ATG5: variants seen among roughly 807,000 people sequenced by gnomAD.
ATG5 encodes autophagy related 5, also known as autophagy protein 5.
A neutral mutation model predicts 36.5 loss-of-function variants in ATG5; 14 were observed. The ratio of observed to expected loss-of-function variants is 0.38; its 90% CI spans 0.25 to 0.60. ATG5 has a LOEUF of 0.60. Among genes scored for constraint, ATG5 ranks in the 20% least tolerant of loss-of-function variants. The probability of loss-of-function intolerance (pLI) is 0.60; values close to 1 mark genes in which losing one functional copy is unlikely to be tolerated. For synonymous variants in ATG5, 95 were observed against 101.5 expected, an observed-to-expected ratio of 0.94 and a Z score of 0.38; for missense variants, 195 against 326.7, an observed-to-expected ratio of 0.60 and a Z score of 3.11.
At chr6:106,292,919 A>G in intron 4 of ATG5, 109 bp downstream of exon 4, 1 of 820,116 alleles carries the variant, frequency 1.2e-6, no homozygotes, top group Non-Finnish European at 2.0e-6. Flanking sequence ...CAACTAAAAC[A>G]GTGTCAGGGG....
intron 6 of ATG5, among the ~76,000 whole-genome samples, chr6:106,216,962 A>T (rs80222027): frequency 1.0e-5 from 1 of 98,820 alleles, no homozygotes; most frequent in East Asian, 2.2e-4. Flanking sequence ...AGCTGTTATT[A>T]AAAAAAAAAA....
chr6:106,307,635 C>T (rs1423157788), intron 3 of ATG5, among the ~76,000 whole-genome samples: 2 of 147,182 alleles, frequency 1.4e-5, no homozygotes, highest in East Asian at 2.0e-4. Context: ...CTCCCAGGTT[C>T]AAGCATTTCT....
intron 5 of ATG5, among the ~76,000 whole-genome samples, chr6:106,275,988 G>A (rs1482551242): frequency 6.6e-6 from 1 of 152,142 alleles, no homozygotes; most frequent in African/African-American, 2.4e-5. Context: ...AAAAGCAGAT[G>A]GCTGGCCCAT....
chr6:106,211,390 T>G (rs894285303), intron 6 of ATG5, among the ~76,000 whole-genome samples: 4 of 152,020 alleles, frequency 2.6e-5, no homozygotes, highest in African/African-American at 7.3e-5. Context: ...AATGTAACAA[T>G]GACAAGGGGC....
intron 2 of ATG5, among the ~76,000 whole-genome samples, chr6:106,310,409 T>C (rs763800255): frequency 5.9e-5 from 9 of 152,134 alleles, no homozygotes; most frequent in Non-Finnish European, 7.4e-5. Flanking sequence ...TACATATAGA[T>C]ACAATTTACC....
At chr6:106,270,081 A>T (rs2114577449) in intron 5 of ATG5, among the ~76,000 whole-genome samples, 1 of 152,338 alleles carries the variant, frequency 6.6e-6, no homozygotes, top group East Asian at 1.9e-4. Context: ...CTATAGTCCA[A>T]ATTATTACAA....
chr6:106,316,846 C>T (rs1171986201), intron 1 of ATG5, among the ~76,000 whole-genome samples: 1 of 152,178 alleles, frequency 6.6e-6, no homozygotes, highest in Non-Finnish European at 1.5e-5. Flanking sequence ...ATTTTAATTA[C>T]TGTACTTCCT....
intron 6 of ATG5, among the ~76,000 whole-genome samples, chr6:106,215,053 G>T (rs1776986323): frequency 6.6e-6 from 1 of 152,090 alleles, no homozygotes; most frequent in Admixed American, 6.6e-5. Flanking sequence ...ACACTAAAAA[G>T]ACTAATACAA....
chr6:106,236,206 T>C (rs905779682), intron 6 of ATG5, among the ~76,000 whole-genome samples: 3 of 152,250 alleles, frequency 2.0e-5, no homozygotes, highest in African/African-American at 7.2e-5. Flanking sequence ...TATGCTGTTT[T>C]AGGAATATAA....
intron 1 of ATG5, 32 bp from the exon 2 acceptor site, chr6:106,316,298 C>T: frequency 1.2e-6 from 1 of 866,174 alleles, no homozygotes; most frequent in Non-Finnish European, 1.8e-6. Flanking sequence ...TTAGTCAGAT[C>T]CTTGCAACGA....
chr6:106,246,748 G>A (rs900163956), intron 6 of ATG5, among the ~76,000 whole-genome samples: 4 of 152,130 alleles, frequency 2.6e-5, no homozygotes, highest in East Asian at 1.9e-4. Flanking sequence ...CAGAGTCTGC[G>A]ATATATTTTC....
At chr6:106,246,933 G>A (rs960138369) in intron 6 of ATG5, among the ~76,000 whole-genome samples, 2 of 152,086 alleles carry the variant, frequency 1.3e-5, no homozygotes, top group African/African-American at 4.8e-5. Context: ...TCTAGAACCT[G>A]GACACAAAGC....
chr6:106,259,799 A>T (rs1450858048), intron 5 of ATG5, among the ~76,000 whole-genome samples: 1 of 152,216 alleles, frequency 6.6e-6, no homozygotes, highest in Non-Finnish European at 1.5e-5. Flanking sequence ...AAAAACAAGA[A>T]GATAGTTTAA....
chr6:106,265,094 C>A (rs1366836129), intron 5 of ATG5, among the ~76,000 whole-genome samples: 1 of 150,824 alleles, frequency 6.6e-6, no homozygotes, highest in Non-Finnish European at 1.5e-5. Context: ...ATTCAGGAGA[C>A]CCATCTCACA....
At chr6:106,230,854 C>T (rs1777657367) in intron 6 of ATG5, among the ~76,000 whole-genome samples, 1 of 152,136 alleles carries the variant, frequency 6.6e-6, no homozygotes, top group African/African-American at 2.4e-5. Context: ...TACAGCTAGA[C>T]CTCTTTTGTA....
chr6:106,200,498 G>A (rs1182688336), intron 7 of ATG5, among the ~76,000 whole-genome samples: 1 of 145,500 alleles, frequency 6.9e-6, no homozygotes, highest in Non-Finnish European at 1.5e-5. Flanking sequence ...TTTTTGAGAC[G>A]GAGTCTCACT....
chr6:106,279,853 C>T, intron 4 of ATG5, 30 bp from the exon 5 acceptor site: 1 of 1,386,110 alleles, frequency 7.2e-7, no homozygotes, highest in African/African-American at 1.5e-5. Context: ...ACATATAAAA[C>T]AGGATACACA....
chr6:106,309,931 G>A (rs1770588559), intron 2 of ATG5, among the ~76,000 whole-genome samples: 1 of 152,022 alleles, frequency 6.6e-6, no homozygotes, highest in African/African-American at 2.4e-5. Context: ...ACAGTAGGAG[G>A]GAAGAAACAC....
chr6:106,209,021 T>A (rs185320825), intron 6 of ATG5, among the ~76,000 whole-genome samples: 2 of 152,294 alleles, frequency 1.3e-5, no homozygotes, highest in East Asian at 3.9e-4. Context: ...TAAAAATTAG[T>A]GGTAACACCA....
Sources: gnomAD v4.1 joint callset for allele counts (sites outside exome capture counted in the v4.1 genomes callset) on GRCh38, gnomAD v4.1.1 for gene constraint, MANE v1.5 for transcripts, NCBI Gene and HGNC (gene_info 2026-07-23, HGNC 2026-07-21) for gene names.